Variants in NCAM2 observed in about 807,000 individuals in gnomAD.
The protein encoded by NCAM2 is N-CAM-2.
Under a neutral mutation model 98.1 loss-of-function variants are expected in NCAM2, and 30 were observed. That is an observed-to-expected ratio of 0.31 (90% CI 0.23 to 0.41). The LOEUF (loss-of-function observed/expected upper bound fraction) is 0.41, where lower values mean the gene tolerates loss of function less well. Ranked by LOEUF, NCAM2 falls within the 10% of genes least tolerant of loss-of-function variation. The pLI, the probability that NCAM2 is intolerant of heterozygous loss-of-function variation, is 1.00. For missense variants in NCAM2, 867 were observed against 1,005.8 expected, an observed-to-expected ratio of 0.86 and a Z score of 1.87; for synonymous variants, 368 against 342.4, an observed-to-expected ratio of 1.07 and a Z score of -0.83.
At chr21:21,200,768 T>C (rs1438947394) in intron 1 of NCAM2, among the ~76,000 whole-genome samples, 101 of 150,728 alleles carry the variant, frequency 6.7e-4, no homozygotes, top group Non-Finnish European at 1.2e-3. Context: ...TTTTTTTTTT[T>C]TTTGAAGTGT....
At chr21:21,101,737 A>G (rs1311722362) in intron 1 of NCAM2, among the ~76,000 whole-genome samples, 4 of 152,102 alleles carry the variant, frequency 2.6e-5, no homozygotes, top group African/African-American at 7.2e-5. Flanking sequence ...AACCAGAAGA[A>G]TAAAAGAGGA....
At chr21:21,531,936 T>C (rs1464594244) in intron 16 of NCAM2, among the ~76,000 whole-genome samples, 4 of 150,128 alleles carry the variant, frequency 2.7e-5, no homozygotes, top group African/African-American at 9.8e-5. Context: ...AGCTTGGCAG[T>C]GAGCCGAGAT....
At chr21:21,237,521 T>A (rs544704431) in intron 1 of NCAM2, among the ~76,000 whole-genome samples, 2 of 152,182 alleles carry the variant, frequency 1.3e-5, no homozygotes, top group African/African-American at 4.8e-5. Flanking sequence ...CTTTAAATGA[T>A]CTTTTAGCTT....
rs560937265 is a variant in NCAM2 at position 21,240,365 on chromosome 21, A to T, written c.56-40213A>T. ...CAAAAATATATTATATAATTTTGCT[A>T]AAATGCTAAAAAAAAAAAAAGCAAA... On this transcript the variant is annotated intron_variant, in intron 1 of 17. Coordinates refer to ENST00000400546, the MANE Select transcript of NCAM2 (RefSeq NM_004540.5). Among the ~76,000 whole-genome samples the T allele has an allele frequency of 5.8e-5, 7 of 120,310 alleles. No homozygotes were observed. The East Asian group carries it at 1.6e-3, about 28-fold the overall frequency. The allele number at this position is 120,310 out of a possible 152,430, so 78.9% of individuals were successfully genotyped here. A position where few individuals can be genotyped will look rare whatever the true frequency, so the allele number is the denominator to read the frequency against.
intron 12 of NCAM2, among the ~76,000 whole-genome samples, chr21:21,450,452 T>A (rs189366854): frequency 0.022 from 3,392 of 151,962 alleles, 118 homozygotes; most frequent in African/African-American, 0.077. Flanking sequence ...TCAAGCGATC[T>A]TCCCACCTCA....
chr21:21,459,517 A>G (rs1982647529), intron 12 of NCAM2, among the ~76,000 whole-genome samples: 1 of 148,284 alleles, frequency 6.7e-6, no homozygotes, highest in African/African-American at 2.4e-5. Flanking sequence ...GAATGTTTAT[A>G]TATATTATAT....
At chr21:21,083,227 A>G (rs1002751796) in intron 1 of NCAM2, among the ~76,000 whole-genome samples, 8 of 152,148 alleles carry the variant, frequency 5.3e-5, no homozygotes. Flanking sequence ...ATTTGGATAG[A>G]TGACTGAATG....
intron 1 of NCAM2, among the ~76,000 whole-genome samples, chr21:21,164,828 G>T (rs2067900739): frequency 6.6e-6 from 1 of 152,034 alleles, no homozygotes; most frequent in South Asian, 2.1e-4. Flanking sequence ...CCAATGTAGG[G>T]TTTACTCTCA....
intron 8 of NCAM2, among the ~76,000 whole-genome samples, chr21:21,369,675 G>C (rs2148032156): frequency 6.6e-6 from 1 of 151,862 alleles, no homozygotes; most frequent in Non-Finnish European, 1.5e-5. Flanking sequence ...TCATGATTTT[G>C]ATTTAAATGT....
intron 1 of NCAM2, among the ~76,000 whole-genome samples, chr21:21,056,650 C>T (rs1387111793): frequency 1.3e-5 from 2 of 151,854 alleles, no homozygotes; most frequent in African/African-American, 4.8e-5. Flanking sequence ...TGTGACATGG[C>T]TCTCCAGAAG....
At chr21:21,347,432 G>C (rs931144066) in intron 8 of NCAM2, among the ~76,000 whole-genome samples, 1 of 151,912 alleles carries the variant, frequency 6.6e-6, no homozygotes, top group Non-Finnish European at 1.5e-5. Context: ...CAGAGCTATA[G>C]TAACCAAAAC....
intron 1 of NCAM2, among the ~76,000 whole-genome samples, chr21:21,125,353 A>AATATTTTACATATATATGTAATAT (rs2066767362): frequency 2.1e-5 from 3 of 144,010 alleles, no homozygotes; most frequent in African/African-American, 7.5e-5. Flanking sequence ...GTGGGGAGAT[A>AATATTTTACATATATATGTAATAT]ATATTTTACA....
At chr21:21,296,364 G>A (rs550298961) in intron 5 of NCAM2, among the ~76,000 whole-genome samples, 1 of 151,886 alleles carries the variant, frequency 6.6e-6, no homozygotes, top group Non-Finnish European at 1.5e-5. Flanking sequence ...TAGGAGAATA[G>A]GGCAATAATA....
At chr21:21,158,561 C>T (rs2067683260) in intron 1 of NCAM2, among the ~76,000 whole-genome samples, 1 of 151,436 alleles carries the variant, frequency 6.6e-6, no homozygotes, top group African/African-American at 2.4e-5. Context: ...GCTGAGATCG[C>T]ACCACTGCTT....
chr21:21,116,885 C>G (rs182719195), intron 1 of NCAM2, among the ~76,000 whole-genome samples: 3 of 151,684 alleles, frequency 2.0e-5, no homozygotes, highest in Non-Finnish European at 4.4e-5. Flanking sequence ...AAGAAATACT[C>G]ACCATTGGAC....
At chr21:21,534,181 T>C (rs1989860647) in intron 16 of NCAM2, among the ~76,000 whole-genome samples, 1 of 152,030 alleles carries the variant, frequency 6.6e-6, no homozygotes, top group African/African-American at 2.4e-5. Context: ...TGTGGCTAGT[T>C]AGAGGAAAGA....
At chr21:21,026,112 C>G (rs1328745567) in intron 1 of NCAM2, among the ~76,000 whole-genome samples, 1 of 152,062 alleles carries the variant, frequency 6.6e-6, no homozygotes, top group African/African-American at 2.4e-5. Flanking sequence ...TGGATTTGTT[C>G]TAGAGGTGTG....
chr21:21,188,106 C>T (rs1371916183), intron 1 of NCAM2, among the ~76,000 whole-genome samples: 1 of 151,984 alleles, frequency 6.6e-6, no homozygotes, highest in African/African-American at 2.4e-5. Context: ...GTAGCCTTGC[C>T]CTTTTATTGT....
chr21:21,132,198 A>C (rs1452571873), intron 1 of NCAM2, among the ~76,000 whole-genome samples: 1 of 150,710 alleles, frequency 6.6e-6, no homozygotes, highest in African/African-American at 2.4e-5. Flanking sequence ...TCTTGCTCTC[A>C]CTCTTTTTTA....
Sources: gnomAD v4.1 joint callset for allele counts (sites outside exome capture counted in the v4.1 genomes callset) on GRCh38, gnomAD v4.1.1 for gene constraint, MANE v1.5 for transcripts, NCBI Gene and HGNC (gene_info 2026-07-23, HGNC 2026-07-21) for gene names.